KCTD1: variants seen among roughly 807,000 people sequenced by gnomAD.
KCTD1 encodes the protein BTB/POZ domain-containing protein KCTD1.
In KCTD1, 24 loss-of-function variants were observed where a neutral mutation model predicts 66.0. The ratio of observed to expected loss-of-function variants is 0.36; its 90% CI spans 0.26 to 0.51. The LOEUF is 0.51. KCTD1 is among the 20% of genes least tolerant of loss of function. KCTD1 has a pLI of 0.95. For missense variants in KCTD1, 943 were observed against 1,205.2 expected (o/e 0.78, Z 3.22); for synonymous variants, 511 against 517.2 (o/e 0.99, Z 0.16).
chr18:26,598,448 A>G (rs895115299), intron 1 of KCTD1, among the ~76,000 whole-genome samples: 3 of 145,882 alleles, frequency 2.1e-5, no homozygotes, highest in African/African-American at 7.7e-5. Context: ...TTGTATGGAT[A>G]TATGTTTTCA....
chr18:26,475,082 C>T (rs1981270057), intron 3 of KCTD1, among the ~76,000 whole-genome samples: 2 of 152,128 alleles, frequency 1.3e-5, no homozygotes, highest in South Asian at 4.1e-4. Flanking sequence ...TCTCTGGACC[C>T]TATTCTTCTC....
intron 1 of KCTD1, among the ~76,000 whole-genome samples, chr18:26,525,546 C>G (rs1177757750): frequency 1.3e-5 from 2 of 152,184 alleles, no homozygotes; most frequent in Non-Finnish European, 2.9e-5. Context: ...TGAGCTGATC[C>G]CTCTGCCCAG....
At chr18:26,535,551 G>A (rs1984662242) in intron 1 of KCTD1, among the ~76,000 whole-genome samples, 1 of 149,370 alleles carries the variant, frequency 6.7e-6, no homozygotes, top group Non-Finnish European at 1.5e-5. Context: ...GGAAGACTGG[G>A]CTGTTCATTT....
intron 1 of KCTD1, among the ~76,000 whole-genome samples, chr18:26,619,055 T>G (rs1016677457): frequency 2.6e-5 from 4 of 152,256 alleles, no homozygotes; most frequent in Non-Finnish European, 4.4e-5. Context: ...TTGGCAGAAT[T>G]AGCATGATTG....
chr18:26,493,083 G>A (rs1373493127), intron 2 of KCTD1, among the ~76,000 whole-genome samples: 1 of 152,200 alleles, frequency 6.6e-6, no homozygotes, highest in Non-Finnish European at 1.5e-5. Flanking sequence ...CAAGGATACA[G>A]GATGAAACCT....
At chr18:26,460,478 AGGCAG>A (rs1038761249) in intron 3 of KCTD1, among the ~76,000 whole-genome samples, 29 of 152,190 alleles carry the variant, frequency 1.9e-4, no homozygotes, top group African/African-American at 6.8e-4. Flanking sequence ...GGCTAGAGAC[AGGCAG>A]GGATGGGCAC....
chr18:26,565,433 G>A lies in KCTD1; in HGVS notation c.-16+63714C>T, dbSNP rs1423756916. ...TTAAATTCTGTCTTTGAAAATGAAAGCCTTCCCAGAGTATACTCTGGAACT... is the reference window on the plus strand; with the variant it reads ...TTAAATTCTGTCTTTGAAAATGAAAACCTTCCCAGAGTATACTCTGGAACT... On this transcript the variant is annotated intron_variant, in intron 1 of 4. Transcript: ENST00000317932. Among the ~76,000 whole-genome samples the A allele has an allele frequency of 2.0e-5, 3 of 152,128 alleles. No homozygotes were observed. In the East Asian group the frequency reaches 5.8e-4, roughly 29 times the overall value.
chr18:26,610,137 A>G (rs1987102409), intron 1 of KCTD1, among the ~76,000 whole-genome samples: 1 of 152,226 alleles, frequency 6.6e-6, no homozygotes. Flanking sequence ...TCTATCTTGT[A>G]AGTCCACTTT....
chr18:26,606,184 C>G (rs918954369), intron 1 of KCTD1, among the ~76,000 whole-genome samples: 1 of 152,168 alleles, frequency 6.6e-6, no homozygotes, highest in Non-Finnish European at 1.5e-5. Context: ...GTAGATTAAG[C>G]CTTCAGGTAG....
chr18:26,461,392 C>A lies in KCTD1; in HGVS notation c.2134-1467G>T, dbSNP rs1980416501. ...CCTTTTCCTGGCAACCCCCTTACCA[C>A]AGGAGTCTTGGTTCCCTGCAGGAAA... On this transcript the variant is annotated intron_variant, in intron 3 of 4. Transcript: ENST00000580059. Among the ~76,000 whole-genome samples, 3 of 152,344 alleles carry A rather than the reference C, an allele frequency of 2.0e-5. No individual in the cohort carries two copies. The South Asian group carries it at 6.2e-4, about 32-fold the overall frequency.
intron 1 of KCTD1, among the ~76,000 whole-genome samples, chr18:26,518,720 T>C (rs1448780730): frequency 6.6e-6 from 1 of 152,138 alleles, no homozygotes; most frequent in African/African-American, 2.4e-5. Flanking sequence ...TAAAACAAAA[T>C]TTTGTAGAGA....
intron 1 of KCTD1, chr18:26,544,678 T>G (rs1598931912): frequency 6.6e-6 from 1 of 152,282 alleles, no homozygotes; most frequent in East Asian, 1.9e-4. Context: ...CCCCAGGAAA[T>G]GCACTGAACC....
upstream of KCTD1, chr18:26,549,834 G>A (rs1411850497): frequency 7.1e-6 from 7 of 984,420 alleles, no homozygotes; most frequent in East Asian, 2.3e-4. Context: ...AGCTCGCCGG[G>A]TCTCGCTTTC....
At chr18:26,501,345 T>A (rs1029697680) in intron 1 of KCTD1, 95 bp from the exon 2 acceptor site, 1 of 1,087,558 alleles carries the variant, frequency 9.2e-7, no homozygotes, top group Non-Finnish European at 1.3e-6. Flanking sequence ...TGATTAACGA[T>A]ACTCATTCAG....
chr18:26,473,464 A>G (rs1275926225), intron 3 of KCTD1, among the ~76,000 whole-genome samples: 1 of 152,104 alleles, frequency 6.6e-6, no homozygotes, highest in Admixed American at 6.6e-5. Context: ...GCAAGGCTTA[A>G]TACCTAGGTG....
chr18:26,656,611 G>T (rs1324720250), intron 1 of KCTD1, among the ~76,000 whole-genome samples: 1 of 151,350 alleles, frequency 6.6e-6, no homozygotes, highest in Non-Finnish European at 1.5e-5. Flanking sequence ...CGGGCAAAAG[G>T]GGGAAGGAAA....
chr18:26,632,806 T>A (rs1000529149), upstream of KCTD1, among the ~76,000 whole-genome samples: 34 of 152,080 alleles, frequency 2.2e-4, no homozygotes, highest in African/African-American at 7.7e-4. Flanking sequence ...CAAAACAACG[T>A]CTGAACAAAT....
intron 1 of KCTD1, among the ~76,000 whole-genome samples, chr18:26,590,032 C>T (rs897925529): frequency 6.6e-6 from 1 of 152,094 alleles, no homozygotes; most frequent in Non-Finnish European, 1.5e-5. Context: ...ATTAGTGAAT[C>T]CTGGAACAGC....
rs977750925 is a variant in KCTD1, at chr18:26,591,405, G to C, written c.-16+37742C>G. On this transcript the variant is annotated intron_variant, in intron 1 of 4. Coordinates refer to the KCTD1 transcript ENST00000317932. ...AAGGATAATTTCATCCTTTCAGGAA[G>C]GGTTACTGAGATACAAGATAAAGCA... 2.6e-5 allele frequency: 4 copies of C among 152,208 alleles called. No homozygotes were observed. In the East Asian group the frequency reaches 7.7e-4, roughly 29 times the overall value. The allele number at this position is 152,208 out of a possible 1,614,324, so 9.4% of individuals were successfully genotyped here. A position where few individuals can be genotyped will look rare whatever the true frequency, so the allele number is the denominator to read the frequency against.
Sources: allele counts gnomAD v4.1 joint callset (sites outside exome capture counted in the v4.1 genomes callset), GRCh38; gene constraint gnomAD v4.1.1; transcripts MANE v1.5; gene names NCBI Gene and HGNC (gene_info 2026-07-23, HGNC 2026-07-21).